PSMA1: variants seen among roughly 807,000 people sequenced by gnomAD.
PSMA1 encodes proteasome 20S subunit alpha 1.
PSMA1 carries 3 observed loss-of-function variants against 38.4 expected under a neutral mutation model. The observed-to-expected ratio is 0.08, with a 90% CI of 0.04 to 0.20. PSMA1 has a LOEUF of 0.20. Among genes scored for constraint, PSMA1 ranks in the 10% least tolerant of loss-of-function variants. The probability of loss-of-function intolerance (pLI) is 1.00; values close to 1 mark genes in which losing one functional copy is unlikely to be tolerated. For missense variants in PSMA1, 227 were observed against 325.3 expected (o/e 0.70, Z 2.32); for synonymous variants, 101 against 107.1 (o/e 0.94, Z 0.35).
rs190667059 is a variant in PSMA1 at position 14,640,515 on chromosome 11, T to C, written c.-166+2940A>G. Reference sequence around the variant, plus strand: ...TTATAGTTTTAAAAAATGTTCTAAATAGCATTTAGTACAAATCTCGGCATA... The same window carrying C: ...TTATAGTTTTAAAAAATGTTCTAAACAGCATTTAGTACAAATCTCGGCATA... On this transcript the variant is annotated intron_variant, in intron 1 of 10. Coordinates refer to the PSMA1 transcript ENST00000418988. Among the ~76,000 whole-genome samples the C allele has an allele frequency of 3.6e-4, 55 of 152,304 alleles. No homozygotes were observed. In the Middle Eastern group the frequency reaches 0.01, roughly 28 times the overall value.
At chr11:14,507,597 T>C in intron 9 of PSMA1, 59 bp downstream of exon 9, 4 of 1,162,948 alleles carry the variant, frequency 3.4e-6, no homozygotes, top group Non-Finnish European at 5.1e-6. Flanking sequence ...ACAGACACAG[T>C]TGTGGTAAGA....
At chr11:14,576,514 C>T (rs1175640004) in intron 2 of PSMA1, among the ~76,000 whole-genome samples, 1 of 152,190 alleles carries the variant, frequency 6.6e-6, no homozygotes, top group Non-Finnish European at 1.5e-5. Context: ...CCAGTTTTCC[C>T]AGCACCATGT....
In PSMA1 at chr11:14,571,453, C is replaced by G. The variant is rs544158071; in HGVS notation, c.21+39513G>C. Among the ~76,000 whole-genome samples, 32 of 152,218 alleles carry G rather than the reference C, an allele frequency of 2.1e-4. No homozygotes were observed. The South Asian group carries it at 6.2e-3, about 30-fold the overall frequency. ...AGTGAAGGAGAAGTAAAATCCTTTA[C>G]AGACAATGCAGAGAGATTTTGTCGT... On this transcript the variant is annotated intron_variant, in intron 2 of 10. Coordinates refer to the PSMA1 transcript ENST00000418988.
At chr11:14,550,320 T>C (rs1851872095) in intron 2 of PSMA1, among the ~76,000 whole-genome samples, 2 of 152,238 alleles carry the variant, frequency 1.3e-5, no homozygotes, top group Admixed American at 1.3e-4. Flanking sequence ...AATATTATGC[T>C]AAGTTTTATC....
chr11:14,626,676 G>C (rs1185672138), intron 1 of PSMA1, among the ~76,000 whole-genome samples: 1 of 152,156 alleles, frequency 6.6e-6, no homozygotes, highest in Admixed American at 6.5e-5. Context: ...TGGTTACCCT[G>C]TAGGCTGTTG....
chr11:14,640,902 T>A (rs1853190545), intron 1 of PSMA1, among the ~76,000 whole-genome samples: 2 of 152,134 alleles, frequency 1.3e-5, no homozygotes, highest in South Asian at 4.1e-4. Context: ...TCAGACCACT[T>A]TATCCTGAGA....
rs751031179 is a variant in PSMA1, at chr11:14,513,935, T to C, written c.344-48A>G. 4 of 1,529,026 alleles carry C rather than the reference T, an allele frequency of 2.6e-6. No homozygotes were observed. The East Asian group carries it at 7.1e-5, about 27-fold the overall frequency. 94.7% of individuals were successfully genotyped at this position (1,529,026 alleles called of 1,614,324 possible). On this transcript the variant is annotated intron_variant, in intron 5 of 9. Transcript: ENST00000396394. ...TTTTAACAAGGAATGAAGTACTGTC[T>C]TTATTTTCAAATTATACATTATTAA... is the stretch of plus-strand genomic sequence containing the variant.
intron 2 of PSMA1, among the ~76,000 whole-genome samples, chr11:14,550,188 C>T (rs1851870922): frequency 6.6e-6 from 1 of 152,124 alleles, no homozygotes; most frequent in Admixed American, 6.5e-5. Flanking sequence ...GAAAAAGCGT[C>T]CTTGTGCATG....
intron 4 of PSMA1, 76 bp from the exon 5 acceptor site, chr11:14,514,567 T>C (rs1328142142): frequency 1.8e-6 from 2 of 1,123,982 alleles, no homozygotes; most frequent in African/African-American, 1.6e-5. Context: ...TTGATTTCAC[T>C]TCAAATTCTT....
intron 1 of PSMA1, among the ~76,000 whole-genome samples, chr11:14,633,648 A>G (rs1359595419): frequency 6.6e-6 from 1 of 152,126 alleles, no homozygotes. Flanking sequence ...GGCCTCCTTG[A>G]GCTGTGGTGG....
rs567903469 is a variant in PSMA1, at chr11:14,611,747, T to C, written c.-165-596A>G. On this transcript the variant is annotated intron_variant, in intron 1 of 10. Coordinates refer to the PSMA1 transcript ENST00000418988. The stretch of plus-strand genomic sequence containing the variant: ...ACTCCTCACTAGATTGTTCCTTCCT[T>C]TCCTCCTTCCCACCCTCCCTTCCAT... Among the ~76,000 whole-genome samples the C allele has an allele frequency of 2.8e-4, 42 of 152,266 alleles. No individual in the cohort carries two copies. The South Asian group carries it at 6.2e-3, about 23-fold the overall frequency.
At chr11:14,515,228 T>C (rs895136551) in intron 4 of PSMA1, among the ~76,000 whole-genome samples, 2 of 152,236 alleles carry the variant, frequency 1.3e-5, no homozygotes, top group African/African-American at 4.8e-5. Flanking sequence ...TTCCCAATGC[T>C]GCCTAAAAGT....
In PSMA1 at chr11:14,532,894, AAAAAAAAATTT is replaced by A. The variant is rs112158593; in HGVS notation, c.22-13864_22-13854del. Among the ~76,000 whole-genome samples, 542 of 152,298 alleles carry A rather than the reference AAAAAAAAATTT, an allele frequency of 3.6e-3. 7 individuals carry two copies. Among genetic ancestry groups the A allele is most frequent in the African/African-American group, 0.013 (527 of 41,550 alleles). ...GTGACAGAGCAAGACTCTGTCTCAA[AAAAAAAAATTT>A]AAAAAAAATCTAAAAATAGCTGCTA... On this transcript the variant is annotated intron_variant, in intron 2 of 10. Transcript: ENST00000418988.
At chr11:14,585,392 C>G (rs1370155553) in intron 2 of PSMA1, among the ~76,000 whole-genome samples, 1 of 152,120 alleles carries the variant, frequency 6.6e-6, no homozygotes, top group East Asian at 1.9e-4. Flanking sequence ...AGATAACATG[C>G]TAAAAGTATT....
chr11:14,509,599 T>C (rs938871711), intron 8 of PSMA1, among the ~76,000 whole-genome samples: 1 of 151,724 alleles, frequency 6.6e-6, no homozygotes, highest in South Asian at 2.1e-4. Context: ...CAGGGTTTCA[T>C]CGTGTTGGCC....
intron 2 of PSMA1, among the ~76,000 whole-genome samples, chr11:14,592,952 A>G (rs976612230): frequency 2.6e-5 from 4 of 152,002 alleles, no homozygotes; most frequent in Non-Finnish European, 5.9e-5. Flanking sequence ...ATTACTTGTC[A>G]TTATCTGAAA....
At chr11:14,614,850 T>A (rs1243501367) in intron 1 of PSMA1, among the ~76,000 whole-genome samples, 2 of 152,202 alleles carry the variant, frequency 1.3e-5, no homozygotes, top group Non-Finnish European at 2.9e-5. Context: ...AGTACTCTAG[T>A]CCATCCTTTA....
exon 2 of PSMA1, chr11:14,611,093 C>A (rs1852703314): frequency 9.1e-7 from 1 of 1,100,198 alleles, no homozygotes. Context: ...CTTTACCACT[C>A]TGCTACTGGC....
intron 2 of PSMA1, among the ~76,000 whole-genome samples, chr11:14,518,259 G>A (rs946464892): frequency 2.0e-5 from 3 of 151,838 alleles, no homozygotes; most frequent in African/African-American, 2.4e-5. Flanking sequence ...GCACCACCAC[G>A]CCCAGCTAAT....
Sources: gnomAD v4.1 joint callset for allele counts (sites outside exome capture counted in the v4.1 genomes callset) on GRCh38, gnomAD v4.1.1 for gene constraint, MANE v1.5 for transcripts, NCBI Gene and HGNC (gene_info 2026-07-23, HGNC 2026-07-21) for gene names.